WWC1: variants seen among roughly 807,000 people sequenced by gnomAD.
WWC1 encodes the protein WW and C2 domain containing 1.
In WWC1, 55 loss-of-function variants were observed where a neutral mutation model predicts 138.4. The observed-to-expected ratio is 0.40, with a 90% confidence interval of 0.32 to 0.50. The LOEUF (loss-of-function observed/expected upper bound fraction) is 0.50, where lower values mean the gene tolerates loss of function less well. Ranked by LOEUF, WWC1 falls within the 20% of genes least tolerant of loss-of-function variation. The probability of loss-of-function intolerance (pLI) is 0.72; values close to 1 mark genes in which losing one functional copy is unlikely to be tolerated. For missense variants in WWC1, 1,226 were observed against 1,420.4 expected (o/e 0.86, Z 2.20); for synonymous variants, 524 against 564.9 (o/e 0.93, Z 1.03).
At position 168,424,047 on chromosome 5, in the gene WWC1, GA is replaced by G. The variant is rs768565802; in HGVS notation, c.1790del (p.Glu597GlyfsTer9). ...ERYRLEEPGT[E>X]GKQLGQAVNT... ...ATACCGGCTGGAGGAACCAGGAACGGAGGGCAAGCAGCTGGGCCAAGGTAGA... is the reference window on the plus strand; with the variant it reads ...ATACCGGCTGGAGGAACCAGGAACGGGGGCAAGCAGCTGGGCCAAGGTAGA... On this transcript the variant is annotated frameshift_variant, in exon 11 of 23. Transcript: ENST00000265293. LOFTEE classifies it high-confidence loss of function. 3 of 1,605,402 alleles carry G rather than the reference GA, an allele frequency of 1.9e-6. No individual in the cohort carries two copies. The highest frequency in any genetic ancestry group is 2.6e-6 in the Non-Finnish European group (3 of 1,175,698).
At chr5:168,441,872 C>A (rs375809830) in intron 16 of WWC1, 38 bp downstream of exon 16, 1 of 1,596,770 alleles carries the variant, frequency 6.3e-7, no homozygotes, top group Non-Finnish European at 8.5e-7. Flanking sequence ...CCCACAAGGC[C>A]GCACCCGGAT....
Position 168,421,399 on chromosome 5 carries a change from T to G in WWC1, c.1185-609T>G, listed in dbSNP as rs115310316. ...AGTTCAAATTGGGCCTCTCCTTTTG[T>G]GTTCTTTTCTACCATTTGTACTTTT... On this transcript the variant is annotated intron_variant, in intron 9 of 22. Transcript: ENST00000265293. Among the ~76,000 whole-genome samples the G allele has an allele frequency of 1.0e-3, 155 of 152,340 alleles. 1 individual carries two copies. Among genetic ancestry groups the G allele is most frequent in the African/African-American group, 3.5e-3 (144 of 41,576 alleles).
chr5:168,443,585 G>A (rs941397566), intron 16 of WWC1, among the ~76,000 whole-genome samples: 1 of 152,194 alleles, frequency 6.6e-6, no homozygotes. Flanking sequence ...AGACACACTA[G>A]TTCTCTCCTT....
intron 5 of WWC1, among the ~76,000 whole-genome samples, chr5:168,404,562 G>T (rs1779639212): frequency 6.6e-6 from 1 of 152,224 alleles, no homozygotes; most frequent in Non-Finnish European, 1.5e-5. Flanking sequence ...ATGAGGCCGG[G>T]ATGAAAACTT....
chr5:168,367,929 T>C (rs1776439487), intron 1 of WWC1, among the ~76,000 whole-genome samples: 1 of 145,188 alleles, frequency 6.9e-6, no homozygotes, highest in African/African-American at 2.5e-5. Context: ...CGTTTCAATC[T>C]GTGTCTTTCC....
At chr5:168,434,215 T>G (rs1782163971) in intron 15 of WWC1, among the ~76,000 whole-genome samples, 1 of 152,244 alleles carries the variant, frequency 6.6e-6, no homozygotes, top group Non-Finnish European at 1.5e-5. Flanking sequence ...CATTGCTGGT[T>G]GCCATGGCAG....
intron 1 of WWC1, among the ~76,000 whole-genome samples, chr5:168,333,413 C>T (rs1773199333): frequency 6.6e-6 from 1 of 152,168 alleles, no homozygotes; most frequent in South Asian, 2.1e-4. Context: ...CTTTATAATC[C>T]TTGACCGTCT....
At position 168,292,320 on chromosome 5, in the gene WWC1, C is replaced by A; in HGVS notation, c.119+49C>A. 1 of 1,537,344 alleles carries A rather than the reference C, an allele frequency of 6.5e-7. No individual in the cohort carries two copies. The highest frequency in any genetic ancestry group is 8.8e-7 in the Non-Finnish European group (1 of 1,141,196). On this transcript the variant is annotated intron_variant, in intron 1 of 22. Transcript: ENST00000265293. This position sits in a 1 kb window ranked among gnomAD's most constrained non-coding sequence, Gnocchi z 4.4. ...GTGCCCCCACACCCCCGCCTGGGCCCCCACCTGCCCCTGGAGCCGCCGGCC... is the reference window on the plus strand; with the variant it reads ...GTGCCCCCACACCCCCGCCTGGGCCACCACCTGCCCCTGGAGCCGCCGGCC...
chr5:168,408,231 G>C (rs142360103), intron 6 of WWC1, among the ~76,000 whole-genome samples: 2 of 152,070 alleles, frequency 1.3e-5, no homozygotes, highest in African/African-American at 4.8e-5. Flanking sequence ...AAGTCACACA[G>C]CTGGGAAGCA....
rs1373843340 is a variant in WWC1, at chr5:168,292,425, C to G, written c.119+154C>G. 1.3e-5 allele frequency among the ~76,000 whole-genome samples: 2 copies of G among 152,014 alleles called. No individual in the cohort carries two copies. The highest frequency in any genetic ancestry group is 4.8e-5 in the African/African-American group (2 of 41,398). On this transcript the variant is annotated intron_variant, in intron 1 of 22. Coordinates refer to ENST00000265293, the MANE Select transcript of WWC1 (RefSeq NM_015238.3). The surrounding 1 kb of genome is among the most constrained non-coding windows in gnomAD (Gnocchi z 4.4). ...GCCACCCCCTGCTCCCCCCAACCTT[C>G]TGGAGCGCTGCTCCCGCCTCAGTGG...
rs372716083 is a variant in WWC1 at position 168,375,561 on chromosome 5, T to G, written c.229+4028T>G. ...CAATGCAGACAACTCTTTCTTTTTT[T>G]TTGTTTTTTTCTTTTCTTTTCTTCT... is the stretch of plus-strand genomic sequence containing the variant. On this transcript the variant is annotated intron_variant, in intron 2 of 22. Transcript: ENST00000265293. 2.8e-4 allele frequency among the ~76,000 whole-genome samples: 43 copies of G among 152,236 alleles called. No individual in the cohort carries two copies. In the East Asian group the frequency reaches 7.3e-3, roughly 26 times the overall value.
At chr5:168,460,510 G>A in intron 19 of WWC1, 140 bp from the exon 20 acceptor site, 1 of 703,238 alleles carries the variant, frequency 1.4e-6, no homozygotes, top group Non-Finnish European at 2.4e-6. Flanking sequence ...GAAAAGAAAG[G>A]TCAGAATGAA....
rs1043082047 is a variant in WWC1 at position 168,291,951 on chromosome 5, G to A, written c.-202G>A. On this transcript the variant is annotated 5_prime_UTR_variant, in exon 1 of 23. Transcript: ENST00000265293. Reference sequence around the variant, plus strand: ...GAGAGGCCGGCGGCGGGAGGAGCGGGCGGCGCCGGGTCGGGGCTGCAGGGC... The same window carrying A: ...GAGAGGCCGGCGGCGGGAGGAGCGGACGGCGCCGGGTCGGGGCTGCAGGGC... The A allele has an allele frequency of 4.4e-5, 16 of 362,676 alleles. No individual in the cohort carries two copies. Among genetic ancestry groups the A allele is most frequent in the African/African-American group, 3.0e-4 (14 of 46,642 alleles). 22.5% of individuals were successfully genotyped at this position (362,676 alleles called of 1,614,324 possible).
chr5:168,452,383 T>C (rs765643663), intron 17 of WWC1, among the ~76,000 whole-genome samples: 63 of 152,170 alleles, frequency 4.1e-4, no homozygotes, highest in Admixed American at 1.8e-3. Context: ...CACGAGACCA[T>C]TGAAGTTGGG....
At chr5:168,441,414 G>GT (rs1206239304) in intron 15 of WWC1, among the ~76,000 whole-genome samples, 1 of 151,900 alleles carries the variant, frequency 6.6e-6, no homozygotes, top group Non-Finnish European at 1.5e-5. Context: ...TAAACTAAAG[G>GT]TTTTTTTATC....
intron 21 of WWC1, 56 bp downstream of exon 21, chr5:168,465,018 G>C: frequency 6.3e-7 from 1 of 1,584,778 alleles, no homozygotes; most frequent in Non-Finnish European, 8.6e-7. Context: ...AGAGTCGGGG[G>C]GCACTGCCCC....
intron 3 of WWC1, among the ~76,000 whole-genome samples, chr5:168,389,556 C>T (rs1471769962): frequency 5.4e-5 from 8 of 147,038 alleles, no homozygotes; most frequent in African/African-American, 1.8e-4. Flanking sequence ...CGTACTCCCT[C>T]TTTAAGTCTC....
At chr5:168,410,040 A>G (rs769928734) in intron 8 of WWC1, 45 bp downstream of exon 8, 6 of 1,580,364 alleles carry the variant, frequency 3.8e-6, no homozygotes, top group Non-Finnish European at 5.2e-6. Flanking sequence ...AAAAATAATA[A>G]CTACTATTGT....
At chr5:168,331,255 A>C (rs1773012227) in intron 1 of WWC1, among the ~76,000 whole-genome samples, 1 of 152,240 alleles carries the variant, frequency 6.6e-6, no homozygotes, top group South Asian at 2.1e-4. Flanking sequence ...GCAAGATTCA[A>C]AACAGTAGTT....
Sources: gnomAD v4.1 joint callset for allele counts (sites outside exome capture counted in the v4.1 genomes callset) on GRCh38, gnomAD v4.1.1 for gene constraint, Gnocchi (gnomAD v3.1) non-coding constraint, MANE v1.5 for transcripts, NCBI Gene and HGNC (gene_info 2026-07-23, HGNC 2026-07-21) for gene names.